The following ARHGAP5 variants were observed in gnomAD, a reference collection of about 807,000 sequenced individuals.
The protein encoded by ARHGAP5 is rho GTPase-activating protein 5.
ARHGAP5 carries 23 observed loss-of-function variants against 116.6 expected under a neutral mutation model. That is an observed-to-expected ratio of 0.20 (90% CI 0.14 to 0.28). The LOEUF (loss-of-function observed/expected upper bound fraction) is 0.28, where lower values mean the gene tolerates loss of function less well. ARHGAP5 is among the 10% of genes least tolerant of loss of function. ARHGAP5 has a pLI of 1.00. For synonymous variants in ARHGAP5, 574 were observed against 602.0 expected, an observed-to-expected ratio of 0.95 and a Z score of 0.68; for missense variants, 1,405 against 1,774.8, an observed-to-expected ratio of 0.79 and a Z score of 3.74.
At chr14:32,115,412 C>T (rs1879503926) in intron 2 of ARHGAP5, among the ~76,000 whole-genome samples, 1 of 152,046 alleles carries the variant, frequency 6.6e-6, no homozygotes, top group Non-Finnish European at 1.5e-5. Flanking sequence ...GCCTGTAATA[C>T]CAGCACTTTG....
At chr14:32,138,009 C>G (rs958889267) in intron 3 of ARHGAP5, among the ~76,000 whole-genome samples, 1 of 151,254 alleles carries the variant, frequency 6.6e-6, no homozygotes, top group Non-Finnish European at 1.5e-5. Flanking sequence ...TTCCAATCCA[C>G]AAACACAGGA....
At chr14:32,149,070 T>C (rs1408384120) in intron 4 of ARHGAP5, among the ~76,000 whole-genome samples, 1 of 152,196 alleles carries the variant, frequency 6.6e-6, no homozygotes, top group Non-Finnish European at 1.5e-5. Flanking sequence ...TTTTGGAGTA[T>C]GTGGATTTTA....
In ARHGAP5 at chr14:32,133,960, T is replaced by C. The variant is rs574839729; in HGVS notation, c.3866-12303T>C. Among the ~76,000 whole-genome samples, 4 of 152,164 alleles carry C rather than the reference T, an allele frequency of 2.6e-5. No individual in the cohort carries two copies. In the South Asian group the frequency reaches 8.3e-4, roughly 32 times the overall value. On this transcript the variant is annotated intron_variant, in intron 3 of 6. Coordinates refer to ENST00000345122, the MANE Select transcript of ARHGAP5 (RefSeq NM_001030055.2). Reference sequence around the variant, plus strand: ...CAATAGAAAAAGAGGGAATCCTCCCTAACTCATTTTATGAGGCCAGCTTCA... The same window carrying C: ...CAATAGAAAAAGAGGGAATCCTCCCCAACTCATTTTATGAGGCCAGCTTCA...
At position 32,092,593 on chromosome 14, in the gene ARHGAP5, C is replaced by T; in HGVS notation, c.1924C>T (p.Pro642Ser). 1 of 1,613,616 alleles carries T rather than the reference C, an allele frequency of 6.2e-7. No homozygotes were observed. The highest frequency in any genetic ancestry group is 8.5e-7 in the Non-Finnish European group (1 of 1,179,838). ...TCTTCGGCCGGTTGATGCCAAATCG[C>T]CTTACTTTTTGAGTCAGTTATGGAC... is the stretch of plus-strand genomic sequence containing the variant. ...LDLRPVDAKS[P>S]YFLSQLWTAA... Residue 642 changes from proline (P) to serine (S), a missense_variant, in exon 2 of 7, where the codon CCT becomes TCT. Pro to Ser is a moderately conservative substitution (Grantham distance 74, BLOSUM62 -1). Coordinates refer to ENST00000345122, the MANE Select transcript of ARHGAP5 (RefSeq NM_001030055.2). The surrounding 1 kb of genome is among the most constrained non-coding windows in gnomAD (Gnocchi z 4.1).
intron 6 of ARHGAP5, 111 bp from the exon 7 acceptor site, chr14:32,154,510 G>GTT: frequency 9.9e-7 from 1 of 1,009,368 alleles, no homozygotes; most frequent in Non-Finnish European, 1.4e-6. Flanking sequence ...TAAACCCCAG[G>GTT]TTTGAAGTAG....
At chr14:32,137,028 C>G (rs1880840308) in intron 3 of ARHGAP5, among the ~76,000 whole-genome samples, 2 of 151,382 alleles carry the variant, frequency 1.3e-5, no homozygotes, top group South Asian at 4.2e-4. Context: ...TGTAGGTTGT[C>G]TTTCTTGATA....
Position 32,092,928 on chromosome 14 carries a change from A to G in ARHGAP5, c.2259A>G (p.Val753=), listed in dbSNP as rs770127574. 1.5e-5 allele frequency: 24 copies of G among 1,614,066 alleles called. No homozygotes were observed. Among genetic ancestry groups the G allele is most frequent in the Non-Finnish European group, 2.0e-5 (24 of 1,179,936 alleles). The change falls in exon 2 of 7, where the codon GTA becomes GTG. Residue 753 remains valine, a synonymous_variant. Coordinates refer to ENST00000345122, the MANE Select transcript of ARHGAP5 (RefSeq NM_001030055.2). The surrounding 1 kb of genome is among the most constrained non-coding windows in gnomAD (Gnocchi z 4.1). ...ETQIKQALRG[V]LESVKHNLDV... Reference sequence around the variant, plus strand: ...AAATAAAGCAAGCTCTCAGAGGAGTATTGGAATCAGTTAAACACAATTTGG... The same window carrying G: ...AAATAAAGCAAGCTCTCAGAGGAGTGTTGGAATCAGTTAAACACAATTTGG...
chr14:32,110,644 A>G (rs1173952203), intron 2 of ARHGAP5, among the ~76,000 whole-genome samples: 1 of 152,212 alleles, frequency 6.6e-6, no homozygotes, highest in Non-Finnish European at 1.5e-5. Flanking sequence ...TGTCTATTCA[A>G]GGAGCCAACA....
intron 2 of ARHGAP5, among the ~76,000 whole-genome samples, chr14:32,096,328 C>T (rs1878526403): frequency 6.6e-6 from 1 of 152,050 alleles, no homozygotes; most frequent in Admixed American, 6.6e-5. Flanking sequence ...TACTTTTAGT[C>T]AGGAGGCAGA....
Position 32,092,497 on chromosome 14 carries a change from C to A in ARHGAP5, c.1828C>A (p.Leu610Ile). The change falls in exon 2 of 7, where the codon CTA (leucine) becomes ATA (isoleucine). Residue 610 changes from leucine (L) to isoleucine (I), a missense_variant. Around this residue, in one of 6 missense-constraint regions of ARHGAP5, gnomAD observed 944 missense variants for 1,095.3 expected, o/e 0.86. Coordinates refer to ENST00000345122, the MANE Select transcript of ARHGAP5 (RefSeq NM_001030055.2). The surrounding 1 kb of genome is among the most constrained non-coding windows in gnomAD (Gnocchi z 4.1). ...AGGGAAGGATGGCCTTGCCCAAGAA[C>A]TAGCAAATGAGATAAGGACACAATC... Reference protein sequence around the residue: ...ILGKDGLAQELANEIRTQSTD... With the variant: ...ILGKDGLAQEIANEIRTQSTD... 6.2e-7 allele frequency: 1 copy of A among 1,613,994 alleles called. No homozygotes were observed. Among genetic ancestry groups the A allele is most frequent in the Middle Eastern group, 1.6e-4 (1 of 6,062 alleles).
chr14:32,128,279 G>A (rs1880290819), intron 3 of ARHGAP5, among the ~76,000 whole-genome samples: 1 of 152,080 alleles, frequency 6.6e-6, no homozygotes, highest in Non-Finnish European at 1.5e-5. Flanking sequence ...TAGATGGGGT[G>A]GCGGCCGGGC....
chr14:32,148,493 C>T (rs1881495227), intron 4 of ARHGAP5, among the ~76,000 whole-genome samples: 1 of 152,014 alleles, frequency 6.6e-6, no homozygotes, highest in Non-Finnish European at 1.5e-5. Context: ...CTCCGAGCAC[C>T]ATATTAAATG....
chr14:32,122,685 G>A (rs747532919), intron 3 of ARHGAP5, among the ~76,000 whole-genome samples: 4 of 152,092 alleles, frequency 2.6e-5, no homozygotes, highest in Non-Finnish European at 4.4e-5. Context: ...CTTAATTTTT[G>A]TGTGTGGTTT....
chr14:32,154,669 C>A lies in ARHGAP5; in HGVS notation c.4230C>A (p.Ser1410=). The A allele has an allele frequency of 6.2e-7, 1 of 1,613,908 alleles. No homozygotes were observed. The highest frequency in any genetic ancestry group is 8.5e-7 in the Non-Finnish European group (1 of 1,179,840). ...ACCTAATGACAGCAGACAACTTATC[C>A]ATCTGTTTTTGGCCAACCTTGATGA... is the stretch of plus-strand genomic sequence containing the variant. ...KINLMTADNL[S]ICFWPTLMRP... Residue 1410 remains serine (S), a synonymous_variant, in exon 7 of 7, where the codon TCC becomes TCA. Coordinates refer to ENST00000345122, the MANE Select transcript of ARHGAP5 (RefSeq NM_001030055.2).
chr14:32,123,319 A>C (rs1009808752), intron 3 of ARHGAP5, among the ~76,000 whole-genome samples: 3 of 150,568 alleles, frequency 2.0e-5, no homozygotes, highest in African/African-American at 7.3e-5. Flanking sequence ...TCCATTTCCC[A>C]CTCCTTATTC....
intron 1 of ARHGAP5, among the ~76,000 whole-genome samples, chr14:32,088,661 A>G (rs2041854292): frequency 6.6e-6 from 1 of 152,056 alleles, no homozygotes; most frequent in Non-Finnish European, 1.5e-5. Flanking sequence ...AAAAAAGTTA[A>G]TAGGATTGAA....
chr14:32,135,811 T>TATCA (rs1353422384), intron 3 of ARHGAP5, among the ~76,000 whole-genome samples: 9 of 152,264 alleles, frequency 5.9e-5, no homozygotes, highest in Non-Finnish European at 1.3e-4. Flanking sequence ...GATACTCTGA[T>TATCA]GAGTCCAGTA....
chr14:32,091,188 T>C lies in ARHGAP5; in HGVS notation c.519T>C (p.Phe173=), dbSNP rs577489184. The part of the protein sequence containing the change: ...IDVSQGCNRK[F]DDQLKFVNNL... The stretch of plus-strand genomic sequence containing the variant: ...TAAGTCAAGGATGCAATAGGAAGTT[T>C]GATGATCAACTTAAATTTGTGAATA... The change falls in exon 2 of 7, where the codon TTT becomes TTC. Residue 173 remains phenylalanine (F), a synonymous_variant. Transcript: ENST00000345122. 38 of 1,613,484 alleles carry C rather than the reference T, an allele frequency of 2.4e-5. No homozygotes were observed. The Middle Eastern group carries it at 6.6e-4, about 28-fold the overall frequency.
chr14:32,101,240 T>G (rs1267362196), intron 2 of ARHGAP5, among the ~76,000 whole-genome samples: 1 of 152,146 alleles, frequency 6.6e-6, no homozygotes, highest in Admixed American at 6.6e-5. Context: ...ATTTTGCTGC[T>G]TTAGCCACTG....
Sources: gnomAD v4.1 joint callset for allele counts (sites outside exome capture counted in the v4.1 genomes callset) on GRCh38, gnomAD v4.1.1 for gene constraint, gnomAD v4.1.1 regional missense constraint, Gnocchi (gnomAD v3.1) non-coding constraint, MANE v1.5 for transcripts, NCBI Gene and HGNC (gene_info 2026-07-23, HGNC 2026-07-21) for gene names.